Variants in ASB3 observed in about 807,000 individuals in gnomAD.
ASB3 encodes ankyrin repeat and SOCS box containing 3, also known as ankyrin repeat and SOCS box protein 3.
ASB3 carries 41 observed loss-of-function variants against 54.5 expected under a neutral mutation model. The observed-to-expected ratio is 0.75, with a 90% confidence interval of 0.59 to 0.98. The LOEUF (loss-of-function observed/expected upper bound fraction) is 0.98, where lower values mean the gene tolerates loss of function less well. ASB3 is among the 50% of genes least tolerant of loss of function. The pLI is 0.00. For missense variants in ASB3, 733 were observed against 620.0 expected (o/e 1.18, Z -1.94); for synonymous variants, 266 against 221.2 (o/e 1.20, Z -1.80).
intron 8 of ASB3, among the ~76,000 whole-genome samples, chr2:53,695,704 T>C (rs554453991): frequency 3.9e-5 from 6 of 152,126 alleles, no homozygotes; most frequent in Non-Finnish European, 8.8e-5. Flanking sequence ...TTACATTGTA[T>C]AGACCAGTTG....
intron 3 of ASB3, among the ~76,000 whole-genome samples, chr2:53,748,677 T>C (rs919161173): frequency 2.0e-5 from 3 of 151,970 alleles, no homozygotes; most frequent in African/African-American, 4.8e-5. Context: ...AAGGATATTA[T>C]ACAAAATCAA....
chr2:53,678,688 G>A (rs192617625), intron 9 of ASB3, among the ~76,000 whole-genome samples: 4 of 152,272 alleles, frequency 2.6e-5, no homozygotes, highest in Admixed American at 6.5e-5. Context: ...GCTAAGTGGA[G>A]GATGGGAAGA....
At chr2:53,777,319 T>G (rs1674395437) in intron 1 of ASB3, among the ~76,000 whole-genome samples, 1 of 152,210 alleles carries the variant, frequency 6.6e-6, no homozygotes, top group East Asian at 1.9e-4. Flanking sequence ...GACCACTTCC[T>G]CACTGAACCC....
At chr2:53,769,939 CTATT>C (rs1458243485) in intron 1 of ASB3, among the ~76,000 whole-genome samples, 3 of 152,186 alleles carry the variant, frequency 2.0e-5, no homozygotes, top group African/African-American at 4.8e-5. Flanking sequence ...TATCTTAGCT[CTATT>C]TATTTCACAT....
At chr2:53,780,676 G>C (rs1304676639) in intron 1 of ASB3, among the ~76,000 whole-genome samples, 2 of 152,176 alleles carry the variant, frequency 1.3e-5, no homozygotes. Flanking sequence ...CACTCTGGAG[G>C]ATAAAGCAGA....
intron 2 of ASB3, among the ~76,000 whole-genome samples, chr2:53,758,332 G>C (rs891130745): frequency 6.6e-6 from 1 of 152,074 alleles, no homozygotes; most frequent in Non-Finnish European, 1.5e-5. Context: ...CTTAATCCGG[G>C]GCAACAAAAA....
At chr2:53,774,695 T>C (rs1305720606) in intron 1 of ASB3, 1 of 523,418 alleles carries the variant, frequency 1.9e-6, no homozygotes, top group Non-Finnish European at 3.2e-6. Flanking sequence ...AAAGAAAAAT[T>C]CAAATTTTAA....
intron 7 of ASB3, among the ~76,000 whole-genome samples, chr2:53,710,018 G>C (rs1670001912): frequency 6.6e-6 from 1 of 152,190 alleles, no homozygotes; most frequent in Non-Finnish European, 1.5e-5. Context: ...CCATGTCAGT[G>C]AGCCTCTGTG....
At chr2:53,712,846 A>G (rs529339489) in intron 7 of ASB3, among the ~76,000 whole-genome samples, 6 of 152,340 alleles carry the variant, frequency 3.9e-5, no homozygotes, top group African/African-American at 1.4e-4. Context: ...CGGACTTAAG[A>G]TTTGGGATAG....
rs1487911102 is a variant in ASB3, at chr2:53,670,483, T to C, written c.*20A>G. On this transcript the variant is annotated 3_prime_UTR_variant, in exon 10 of 10. Coordinates refer to ENST00000263634, the MANE Select transcript of ASB3 (RefSeq NM_016115.5). ...ATTTTTCAGAGAAAAAAATTAGCTG[T>C]GTTAAGTAGTTTCACTGATTTATCC... 1.2e-6 allele frequency: 2 copies of C among 1,607,602 alleles called. No individual in the cohort carries two copies. The highest frequency in any genetic ancestry group is 1.1e-5 in the South Asian group (1 of 89,808).
rs189298972 is a variant in ASB3, at chr2:53,733,797, G to C, written c.356-4227C>G. Among the ~76,000 whole-genome samples, 131 of 152,296 alleles carry C rather than the reference G, an allele frequency of 8.6e-4. 3 individuals are homozygous for C. The highest frequency in any genetic ancestry group is 8.4e-3 in the Admixed American group (128 of 15,302). On this transcript the variant is annotated intron_variant, in intron 3 of 9. Coordinates refer to ENST00000263634, the MANE Select transcript of ASB3 (RefSeq NM_016115.5). ...ACACACAGAGAAATACAGAGGTGTG[G>C]AGTGGGAAATCAGGGGTCTCACAGC...
chr2:53,765,886 C>G (rs562701339), intron 1 of ASB3, among the ~76,000 whole-genome samples: 1 of 151,890 alleles, frequency 6.6e-6, no homozygotes, highest in South Asian at 2.1e-4. Flanking sequence ...CTGTTCATAC[C>G]CCACCACAAC....
At chr2:53,777,660 C>T (rs570953548) in intron 1 of ASB3, among the ~76,000 whole-genome samples, 1 of 152,220 alleles carries the variant, frequency 6.6e-6, no homozygotes, top group East Asian at 1.9e-4. Context: ...CCTCCCTGTA[C>T]ATAATACACA....
intron 7 of ASB3, among the ~76,000 whole-genome samples, chr2:53,709,012 G>A (rs996631792): frequency 4.6e-5 from 7 of 152,240 alleles, no homozygotes; most frequent in Non-Finnish European, 1.0e-4. Flanking sequence ...AGGAATTCAA[G>A]CAGACTTCAG....
chr2:53,776,136 T>C (rs1020688381), intron 1 of ASB3, among the ~76,000 whole-genome samples: 2 of 152,218 alleles, frequency 1.3e-5, no homozygotes, highest in African/African-American at 4.8e-5. Context: ...TAATAATTAG[T>C]ACAGAAGTTT....
At chr2:53,713,756 T>C (rs913329088) in intron 7 of ASB3, among the ~76,000 whole-genome samples, 4 of 151,754 alleles carry the variant, frequency 2.6e-5, no homozygotes, top group Non-Finnish European at 2.9e-5. Context: ...CTACTAAAAA[T>C]AAAAACATTA....
chr2:53,677,530 T>G (rs1287988619), intron 9 of ASB3, among the ~76,000 whole-genome samples: 1 of 152,222 alleles, frequency 6.6e-6, no homozygotes, highest in Non-Finnish European at 1.5e-5. Context: ...TTAGCAGTGT[T>G]TTCTATGCTC....
intron 9 of ASB3, among the ~76,000 whole-genome samples, chr2:53,674,572 AC>A (rs1445407663): frequency 6.6e-6 from 1 of 152,176 alleles, no homozygotes; most frequent in Non-Finnish European, 1.5e-5. Context: ...TATATCATAC[AC>A]ACCCACTATA....
chr2:53,699,609 G>C (rs1338576601), intron 8 of ASB3, among the ~76,000 whole-genome samples: 1 of 152,100 alleles, frequency 6.6e-6, no homozygotes, highest in Non-Finnish European at 1.5e-5. Flanking sequence ...TTTTCCTGAA[G>C]ACTTCCATTT....
Sources: allele counts gnomAD v4.1 joint callset (sites outside exome capture counted in the v4.1 genomes callset), GRCh38; gene constraint gnomAD v4.1.1; transcripts MANE v1.5; gene names NCBI Gene and HGNC (gene_info 2026-07-23, HGNC 2026-07-21).